MTA3: variants seen among roughly 807,000 people sequenced by gnomAD.
MTA3 encodes the protein metastasis-associated protein MTA3.
In MTA3, 34 loss-of-function variants were observed where a neutral mutation model predicts 83.5. That is an observed-to-expected ratio of 0.41 (90% CI 0.31 to 0.54). The LOEUF (loss-of-function observed/expected upper bound fraction) is 0.54, where lower values mean the gene tolerates loss of function less well. MTA3 is among the 20% of genes least tolerant of loss of function. The pLI, the probability that MTA3 is intolerant of heterozygous loss-of-function variation, is 0.33. For missense variants in MTA3, 761 were observed against 726.4 expected, an observed-to-expected ratio of 1.05 and a Z score of -0.55; for synonymous variants, 303 against 252.7, an observed-to-expected ratio of 1.20 and a Z score of -1.89.
chr2:42,641,046 A>G (rs1004248578), intron 5 of MTA3, among the ~76,000 whole-genome samples: 1 of 152,068 alleles, frequency 6.6e-6, no homozygotes, highest in Non-Finnish European at 1.5e-5. Context: ...AGCTGGGATC[A>G]TAGGTGCCTG....
chr2:42,526,389 C>G (rs187822821), intron 2 of MTA3, among the ~76,000 whole-genome samples: 25 of 152,258 alleles, frequency 1.6e-4, no homozygotes, highest in Admixed American at 1.6e-3. Context: ...GGCCAAGATT[C>G]CTGGCTCTCC....
rs141573074 is a variant in MTA3, at chr2:42,716,171, G to T, written c.1526-2817G>T. On this transcript the variant is annotated intron_variant, in intron 14 of 16. Transcript: ENST00000405094. ...AGCTTAGTAATTTATTTTTTCTCCTGGGAATCACCTGAATAGGAAGAAAAG... is the reference window on the plus strand; with the variant it reads ...AGCTTAGTAATTTATTTTTTCTCCTTGGAATCACCTGAATAGGAAGAAAAG... Among the ~76,000 whole-genome samples, 594 of 152,110 alleles carry T rather than the reference G, an allele frequency of 3.9e-3. 4 individuals carry two copies. The highest frequency in any genetic ancestry group is 0.013 in the African/African-American group (528 of 41,476).
chr2:42,510,864 A>C (rs1674867691), intron 2 of MTA3, among the ~76,000 whole-genome samples: 1 of 152,218 alleles, frequency 6.6e-6, no homozygotes, highest in Admixed American at 6.5e-5. Context: ...CAGCTGGGCA[A>C]GGATTCTGTT....
intron 14 of MTA3, among the ~76,000 whole-genome samples, chr2:42,717,807 T>C (rs115315327): frequency 0.024 from 3,668 of 152,234 alleles, 151 homozygotes; most frequent in African/African-American, 0.084. Flanking sequence ...GCCTTCACAG[T>C]GGGGAAGGGA....
At chr2:42,586,996 C>G (rs1408481353) in intron 3 of MTA3, among the ~76,000 whole-genome samples, 1 of 152,072 alleles carries the variant, frequency 6.6e-6, no homozygotes, top group Non-Finnish European at 1.5e-5. Flanking sequence ...GCACTCCAGC[C>G]TGGTGACAGA....
At chr2:42,515,920 C>T (rs1438507441) in intron 2 of MTA3, among the ~76,000 whole-genome samples, 3 of 150,598 alleles carry the variant, frequency 2.0e-5, no homozygotes, top group Admixed American at 6.6e-5. Context: ...GGCTCACTGC[C>T]AGCTCTGCCT....
intron 4 of MTA3, among the ~76,000 whole-genome samples, chr2:42,622,743 T>C (rs1245401937): frequency 6.6e-6 from 1 of 152,058 alleles, no homozygotes; most frequent in African/African-American, 2.4e-5. Flanking sequence ...CTTCCCACCT[T>C]AGTCTCTCAA....
chr2:42,512,960 A>G (rs1674971303), intron 2 of MTA3, among the ~76,000 whole-genome samples: 1 of 152,202 alleles, frequency 6.6e-6, no homozygotes, highest in African/African-American at 2.4e-5. Flanking sequence ...TCCAATTTTA[A>G]TGGCACCAAT....
intron 2 of MTA3, among the ~76,000 whole-genome samples, chr2:42,572,891 C>A (rs1026248733): frequency 6.6e-6 from 1 of 152,064 alleles, no homozygotes; most frequent in Non-Finnish European, 1.5e-5. Flanking sequence ...CCATGCCTGG[C>A]TGTTTTTTGT....
chr2:42,502,216 G>A (rs114018068), intron 2 of MTA3, among the ~76,000 whole-genome samples: 24 of 152,274 alleles, frequency 1.6e-4, no homozygotes, highest in African/African-American at 5.5e-4. Flanking sequence ...TGATTAAGGA[G>A]TTGAAGCTTT....
chr2:42,709,205 T>C, intron 14 of MTA3, 109 bp downstream of exon 14: 6 of 1,467,526 alleles, frequency 4.1e-6, no homozygotes, highest in Non-Finnish European at 5.4e-6. Context: ...ACATAAGTTC[T>C]TGTGTACAGC....
At chr2:42,560,598 C>G (rs1677626040) in intron 2 of MTA3, among the ~76,000 whole-genome samples, 1 of 150,016 alleles carries the variant, frequency 6.7e-6, no homozygotes. Flanking sequence ...ACAAAACACA[C>G]ACACACACAC....
rs901731850 is a variant in MTA3 at position 42,753,589 on chromosome 2, G to T, written c.*190G>T. On this transcript the variant is annotated 3_prime_UTR_variant, in exon 17 of 17. Transcript: ENST00000405094. ...CACGTTCCAAATCCTGTGTCTCCAC[G>T]TGTGGATCAGCAGCACCTCGCTTTC... The T allele has an allele frequency of 1.0e-5, 14 of 1,403,816 alleles. No homozygotes were observed. Among genetic ancestry groups the T allele is most frequent in the Non-Finnish European group, 1.2e-5 (13 of 1,078,780 alleles). The allele number at this position is 1,403,816 out of a possible 1,614,324, so 87.0% of individuals were successfully genotyped here.
intron 2 of MTA3, among the ~76,000 whole-genome samples, chr2:42,539,299 C>A (rs1170090686): frequency 6.6e-6 from 1 of 152,050 alleles, no homozygotes; most frequent in Non-Finnish European, 1.5e-5. Context: ...GCTGGGGAGG[C>A]TTCAGGAAAC....
rs1558428215 is a variant in MTA3 at position 42,548,827 on chromosome 2, A to AT, written c.-140-21609dup. Among the ~76,000 whole-genome samples, 29 of 20,026 alleles carry AT rather than the reference A, an allele frequency of 1.4e-3. 4 individuals are homozygous for AT. Among genetic ancestry groups the AT allele is most frequent in the African/African-American group, 3.3e-3 (25 of 7,474 alleles). The allele number at this position is 20,026 out of a possible 152,430, so 13.1% of individuals were successfully genotyped here. On this transcript the variant is annotated intron_variant, in intron 2 of 17. Transcript: ENST00000405592. ...CAAAAAAAAATATATATATATATAT[A>AT]TAATATATATATATATATAATATAT...
intron 15 of MTA3, 30 bp downstream of exon 15, chr2:42,719,104 A>T (rs1287830698): frequency 2.7e-6 from 4 of 1,463,042 alleles, no homozygotes; most frequent in Non-Finnish European, 3.7e-6. Flanking sequence ...GGAAAAACTC[A>T]AAGAGCAATT....
intron 15 of MTA3, among the ~76,000 whole-genome samples, chr2:42,719,732 G>A (rs1247223095): frequency 6.6e-6 from 1 of 152,052 alleles, no homozygotes; most frequent in Non-Finnish European, 1.5e-5. Flanking sequence ...CATTTGTATT[G>A]CTTTCTTATT....
chr2:42,706,028 G>A (rs962173984), intron 12 of MTA3, among the ~76,000 whole-genome samples: 2 of 152,204 alleles, frequency 1.3e-5, no homozygotes, highest in South Asian at 2.1e-4. Flanking sequence ...TACGTAAAAT[G>A]TATGTTTTAA....
chr2:42,656,216 G>A lies in MTA3; in HGVS notation c.516G>A (p.Arg172=), dbSNP rs746903639. ...EMLLEGESDE[R]EQSKLEVKVW... ...TTTGGACAGGAGAATCAGATGAGAGGGAACAATCAAAATTGGAAGTTAAAG... is the reference window on the plus strand; with the variant it reads ...TTTGGACAGGAGAATCAGATGAGAGAGAACAATCAAAATTGGAAGTTAAAG... Residue 172 remains arginine (R), a synonymous_variant, in exon 7 of 17, where the codon AGG becomes AGA. Transcript: ENST00000405094. 2.5e-6 allele frequency: 4 copies of A among 1,613,254 alleles called. No homozygotes were observed. The highest frequency in any genetic ancestry group is 3.4e-6 in the Non-Finnish European group (4 of 1,179,456).
Sources: allele counts gnomAD v4.1 joint callset (sites outside exome capture counted in the v4.1 genomes callset), GRCh38; gene constraint gnomAD v4.1.1; transcripts MANE v1.5; gene names NCBI Gene and HGNC (gene_info 2026-07-23, HGNC 2026-07-21).